Variants in NKAIN2 observed in about 807,000 individuals in gnomAD.
The protein encoded by NKAIN2 is sodium/potassium transporting ATPase interacting 2.
In NKAIN2, 14 loss-of-function variants were observed where a neutral mutation model predicts 32.6. The ratio of observed to expected loss-of-function variants is 0.43; its 90% CI spans 0.28 to 0.67. The LOEUF (loss-of-function observed/expected upper bound fraction) is 0.67. Ranked by LOEUF, NKAIN2 falls within the 30% of genes least tolerant of loss-of-function variation. The probability of loss-of-function intolerance (pLI) is 0.17; values close to 1 mark genes in which losing one functional copy is unlikely to be tolerated. For missense variants in NKAIN2, 198 were observed against 258.3 expected (o/e 0.77, Z 1.60); for synonymous variants, 80 against 87.2 (o/e 0.92, Z 0.46).
chr6:124,578,640 G>T (rs1024785419), intron 3 of NKAIN2, among the ~76,000 whole-genome samples: 5 of 152,022 alleles, frequency 3.3e-5, no homozygotes, highest in African/African-American at 9.7e-5. Context: ...GGGGCCAGGG[G>T]CAACTCATCA....
At chr6:124,545,040 T>G (rs1311968176) in intron 3 of NKAIN2, among the ~76,000 whole-genome samples, 1 of 152,188 alleles carries the variant, frequency 6.6e-6, no homozygotes, top group East Asian at 1.9e-4. Flanking sequence ...GCCTTAAAAC[T>G]CTTTTCTTAT....
intron 1 of NKAIN2, among the ~76,000 whole-genome samples, chr6:124,064,924 T>G: frequency 6.6e-6 from 1 of 152,274 alleles, no homozygotes; most frequent in East Asian, 1.9e-4. Context: ...AACCAATTAG[T>G]TGTCTATCTC....
intron 3 of NKAIN2, among the ~76,000 whole-genome samples, chr6:124,402,669 G>A (rs180821962): frequency 1.9e-4 from 29 of 152,310 alleles, no homozygotes; most frequent in African/African-American, 6.0e-4. Flanking sequence ...GATGAAGCTG[G>A]AGGTCATGAT....
At chr6:124,781,838 G>A (rs1779281249) in intron 4 of NKAIN2, among the ~76,000 whole-genome samples, 1 of 152,072 alleles carries the variant, frequency 6.6e-6, no homozygotes, top group South Asian at 2.1e-4. Flanking sequence ...GACTTGACGG[G>A]CCTTTTAAGT....
At chr6:124,469,160 C>T (rs1776877512) in intron 3 of NKAIN2, among the ~76,000 whole-genome samples, 1 of 152,156 alleles carries the variant, frequency 6.6e-6, no homozygotes. Context: ...GAATCTTTTC[C>T]ATGATTTTAG....
intron 1 of NKAIN2, among the ~76,000 whole-genome samples, chr6:124,208,905 G>C (rs1043596771): frequency 2.6e-5 from 4 of 151,552 alleles, no homozygotes; most frequent in Non-Finnish European, 5.9e-5. Flanking sequence ...AATGTGCAAT[G>C]ATCAAATCAA....
chr6:124,264,590 C>A (rs1252582383), intron 1 of NKAIN2, among the ~76,000 whole-genome samples: 1 of 152,106 alleles, frequency 6.6e-6, no homozygotes, highest in East Asian at 1.9e-4. Flanking sequence ...ATAAGACCTC[C>A]TGTATCACTA....
At chr6:124,405,111 T>TG (rs1320432045) in intron 3 of NKAIN2, among the ~76,000 whole-genome samples, 6 of 152,276 alleles carry the variant, frequency 3.9e-5, no homozygotes, top group African/African-American at 1.4e-4. Flanking sequence ...TCAGTAAAAA[T>TG]GGTTGCAGAT....
intron 1 of NKAIN2, among the ~76,000 whole-genome samples, chr6:124,052,963 C>T (rs976978526): frequency 3.3e-5 from 5 of 151,468 alleles, no homozygotes; most frequent in African/African-American, 1.2e-4. Context: ...AGGGAGAGTA[C>T]GGGATGGAGA....
At chr6:124,811,971 C>A (rs553918938) in intron 5 of NKAIN2, among the ~76,000 whole-genome samples, 2 of 152,088 alleles carry the variant, frequency 1.3e-5, no homozygotes, top group African/African-American at 2.4e-5. Context: ...CACCTTCTGT[C>A]CAGTTGTGTG....
intron 4 of NKAIN2, among the ~76,000 whole-genome samples, chr6:124,665,960 G>A (rs1220662137): frequency 6.6e-6 from 1 of 152,078 alleles, no homozygotes; most frequent in Non-Finnish European, 1.5e-5. Flanking sequence ...TCCTAGTCCA[G>A]TATCAAAGAC....
chr6:123,901,156 A>G (rs1300721451), intron 1 of NKAIN2, among the ~76,000 whole-genome samples: 5 of 152,100 alleles, frequency 3.3e-5, no homozygotes, highest in African/African-American at 1.2e-4. Flanking sequence ...TATAATCTCC[A>G]TAGAAGAACC....
At chr6:124,013,046 C>T (rs1780409150) in intron 1 of NKAIN2, among the ~76,000 whole-genome samples, 1 of 152,040 alleles carries the variant, frequency 6.6e-6, no homozygotes. Flanking sequence ...TAATAGGTAC[C>T]TTATTGTAGT....
chr6:124,260,141 C>A (rs1289634987), intron 1 of NKAIN2, among the ~76,000 whole-genome samples: 1 of 152,102 alleles, frequency 6.6e-6, no homozygotes, highest in African/African-American at 2.4e-5. Context: ...AATGGAGATT[C>A]ATTTAGGTCT....
chr6:123,836,957 A>G (rs1401042288), intron 1 of NKAIN2, among the ~76,000 whole-genome samples: 2 of 152,186 alleles, frequency 1.3e-5, no homozygotes, highest in African/African-American at 4.8e-5. Flanking sequence ...ACCTTGATCA[A>G]CAAATGAGTG....
chr6:124,726,826 G>A (rs1339630573), intron 4 of NKAIN2, among the ~76,000 whole-genome samples: 1 of 134,526 alleles, frequency 7.4e-6, no homozygotes, highest in East Asian at 2.2e-4. Context: ...TTAGAAGAAT[G>A]TATAACTAGA....
At chr6:124,120,079 T>C (rs187594478) in intron 1 of NKAIN2, among the ~76,000 whole-genome samples, 48 of 152,266 alleles carry the variant, frequency 3.2e-4, no homozygotes, top group African/African-American at 1.1e-3. Context: ...AGAAAACAGG[T>C]GTCTTCTGTG....
chr6:124,415,446 G>C (rs144951704), intron 3 of NKAIN2, among the ~76,000 whole-genome samples: 23 of 152,350 alleles, frequency 1.5e-4, no homozygotes, highest in African/African-American at 5.5e-4. Flanking sequence ...AGCCATCCTG[G>C]CTATGCCACC....
At position 124,139,249 on chromosome 6, in the gene NKAIN2, C is replaced by T. The variant is rs560423424; in HGVS notation, c.55-143756C>T. ...GACTACAGGCGCCCGCCACCGCGCC[C>T]GGCTAATTTTTTGTATTTTTAGTAG... On this transcript the variant is annotated intron_variant, in intron 1 of 6. Transcript: ENST00000368417. Among the ~76,000 whole-genome samples, 13 of 148,976 alleles carry T rather than the reference C, an allele frequency of 8.7e-5. No homozygotes were observed. The South Asian group carries it at 1.9e-3, about 22-fold the overall frequency.
Sources: allele counts gnomAD v4.1 joint callset (sites outside exome capture counted in the v4.1 genomes callset), GRCh38; gene constraint gnomAD v4.1.1; transcripts MANE v1.5; gene names NCBI Gene and HGNC (gene_info 2026-07-23, HGNC 2026-07-21).